KRT27: variants seen among roughly 807,000 people sequenced by gnomAD.
KRT27 encodes the protein keratin 27.
KRT27 carries 30 observed loss-of-function variants against 45.3 expected under a neutral mutation model. That is an observed-to-expected ratio of 0.66 (90% CI 0.50 to 0.90). The LOEUF (loss-of-function observed/expected upper bound fraction) is 0.90, where lower values mean the gene tolerates loss of function less well. Ranked by LOEUF, KRT27 falls within the 40% of genes least tolerant of loss-of-function variation. The pLI, the probability that KRT27 is intolerant of heterozygous loss-of-function variation, is 0.00. For synonymous variants in KRT27, 204 were observed against 223.9 expected, an observed-to-expected ratio of 0.91 and a Z score of 0.79; for missense variants, 610 against 564.3, an observed-to-expected ratio of 1.08 and a Z score of -0.82.
rs1206185687 is a variant in KRT27, at chr17:40,777,241, GCTTTTGTTTAC to G, written c.1240+1_1240+11del. On this transcript the variant is annotated splice_donor_variant and splice_donor_5th_base_variant and intron_variant, in intron 7 of 7. Coordinates refer to ENST00000301656, the MANE Select transcript of KRT27 (RefSeq NM_181537.4). LOFTEE classifies it high-confidence loss of function. ...AAATAAACACTGAATGCCTAACACA[GCTTTTGTTTAC>G]CTTTTGTTTGATTTCCTGGGCCTCC... The G allele has an allele frequency of 9.3e-6, 15 of 1,613,406 alleles. No individual in the cohort carries two copies. The highest frequency in any genetic ancestry group is 1.3e-5 in the Non-Finnish European group (15 of 1,179,808).
chr17:40,779,668 C>T (rs1430026377), intron 4 of KRT27, 32 bp downstream of exon 4: 1 of 1,613,358 alleles, frequency 6.2e-7, no homozygotes. Context: ...GGGGCTGAGT[C>T]CGCGCCCGGG....
At chr17:40,780,591 T>G in intron 2 of KRT27, 135 bp from the exon 3 acceptor site, 2 of 748,750 alleles carry the variant, frequency 2.7e-6, no homozygotes, top group Admixed American at 6.0e-5. Flanking sequence ...CCGGGCGCGG[T>G]GGCTCACGCC....
chr17:40,779,157 T>C (rs1322546822), intron 5 of KRT27, among the ~76,000 whole-genome samples: 2 of 152,202 alleles, frequency 1.3e-5, no homozygotes, highest in South Asian at 2.1e-4. Flanking sequence ...CAGGCTCTAG[T>C]AAGCACTTAT....
At position 40,777,551 on chromosome 17, in the gene KRT27, A is replaced by G; in HGVS notation, c.1154T>C (p.Ile385Thr). The change falls in exon 6 of 8, where the codon ATT becomes ACT. Residue 385 changes from isoleucine to threonine, a missense_variant. Transcript: ENST00000301656. Reference sequence around the variant, plus strand: ...ATCTATCAGGAGGCAGTAGGTCTCAATTTCTTTTTCCAGGTGGACCTTGAT... The same window carrying G: ...ATCTATCAGGAGGCAGTAGGTCTCAGTTTCTTTTTCCAGGTGGACCTTGAT... Reference protein sequence around the residue: ...LDIKVHLEKEIETYCLLIDGE... With the variant: ...LDIKVHLEKETETYCLLIDGE... 1.2e-6 allele frequency: 2 copies of G among 1,613,934 alleles called. No individual in the cohort carries two copies. The highest frequency in any genetic ancestry group is 1.7e-6 in the Non-Finnish European group (2 of 1,179,844).
At chr17:40,780,261 G>C (rs2038299095) in intron 3 of KRT27, 39 bp downstream of exon 3, 4 of 1,553,946 alleles carry the variant, frequency 2.6e-6, no homozygotes, top group Non-Finnish European at 3.5e-6. Flanking sequence ...AAATTTGGTA[G>C]GGAGGCGATT....
chr17:40,781,493 G>T, intron 1 of KRT27, among the ~76,000 whole-genome samples: 1 of 152,126 alleles, frequency 6.6e-6, no homozygotes, highest in East Asian at 1.9e-4. Flanking sequence ...GCAGTGGCAC[G>T]ATCTTGGCTC....
rs1567682822 is a variant in KRT27, at chr17:40,782,443, G to A, written c.51C>T (p.Gly17=). 2 of 1,606,638 alleles carry A rather than the reference G, an allele frequency of 1.2e-6. No individual in the cohort carries two copies. Among genetic ancestry groups the A allele is most frequent in the Non-Finnish European group, 1.7e-6 (2 of 1,176,512 alleles). The change falls in exon 1 of 8, where the codon GGC becomes GGT. Residue 17 remains glycine, a synonymous_variant. Coordinates refer to ENST00000301656, the MANE Select transcript of KRT27 (RefSeq NM_181537.4). ...CACTAGAGAGCCTCACAGAGCCAGT[G>A]CCCCCGCAAGAGCCAAGTCTCCTGG... The part of the protein sequence containing the change: ...STSRRLGSCG[G]TGSVRLSSGG...
At chr17:40,778,701 T>C (rs1270943792) in intron 5 of KRT27, among the ~76,000 whole-genome samples, 2 of 152,248 alleles carry the variant, frequency 1.3e-5, no homozygotes, top group Admixed American at 6.5e-5. Context: ...TCAGCCTTCA[T>C]GCCTCGACTT....
chr17:40,777,809 TAAGAG>T, intron 5 of KRT27, 77 bp from the exon 6 acceptor site: 13 of 1,377,982 alleles, frequency 9.4e-6, no homozygotes, highest in South Asian at 1.2e-5. Context: ...AAGAGATAAT[TAAGAG>T]AATTATCCTT....
At chr17:40,781,916 A>G in intron 1 of KRT27, 134 bp downstream of exon 1, 1 of 655,258 alleles carries the variant, frequency 1.5e-6, no homozygotes, top group Non-Finnish European at 2.5e-6. Context: ...ATTATTTTTA[A>G]TATTGAAAAT....
Position 40,780,170 on chromosome 17 carries a change from C to G in KRT27, c.684+130G>C, listed in dbSNP as rs998933091. On this transcript the variant is annotated intron_variant, in intron 3 of 7. Transcript: ENST00000301656. ...AATGAATAGAAGCGTCTCAAACAAT[C>G]TAAGCCTTATGGAGAAACTGACAGG... The G allele has an allele frequency of 3.9e-6, 4 of 1,014,792 alleles. No homozygotes were observed. In the African/African-American group the frequency reaches 6.5e-5, roughly 16 times the overall value. The allele number at this position is 1,014,792 out of a possible 1,614,324, so 62.9% of individuals were successfully genotyped here. A position where few individuals can be genotyped will look rare whatever the true frequency, so the allele number is the denominator to read the frequency against.
Position 40,782,173 on chromosome 17 carries a change from C to T in KRT27, c.321G>A (p.Glu107=), listed in dbSNP as rs778812184. The part of the protein sequence containing the change: ...SYLENVRALE[E]ANADLEQKIK... ...TCTTCTGCTCCAAGTCAGCGTTGGC[C>T]TCCTCTAGGGCTCGAACATTCTCCA... is the stretch of plus-strand genomic sequence containing the variant. The change falls in exon 1 of 8, where the codon GAG becomes GAA. Residue 107 remains glutamate (E), a synonymous_variant. Transcript: ENST00000301656. The T allele has an allele frequency of 6.2e-6, 10 of 1,614,096 alleles. No homozygotes were observed. In the Admixed American group the frequency reaches 1.2e-4, roughly 19 times the overall value.
chr17:40,779,478 TCTG>T, intron 5 of KRT27, 21 bp downstream of exon 5: 1 of 1,577,624 alleles, frequency 6.3e-7, no homozygotes. Context: ...CTAAAGCAAA[TCTG>T]TTTTGTAACT....
At chr17:40,779,138 T>C (rs2038288281) in intron 5 of KRT27, among the ~76,000 whole-genome samples, 1 of 152,134 alleles carries the variant, frequency 6.6e-6, no homozygotes, top group African/African-American at 2.4e-5. Flanking sequence ...TATCCCCCCA[T>C]CCCCTTCCCA....
Position 40,782,370 on chromosome 17 carries a change from C to T in KRT27, c.124G>A (p.Gly42Arg), listed in dbSNP as rs1325381799. Residue 42 changes from glycine (G) to arginine (R), a missense_variant, in exon 1 of 8, where the codon GGA becomes AGA. Coordinates refer to ENST00000301656, the MANE Select transcript of KRT27 (RefSeq NM_181537.4). ...CCAAAAGCACAAGAGAAGCCACTTC[C>T]AATGCCTGGCACACCGCATGTGTTT... is the stretch of plus-strand genomic sequence containing the variant. ...AGNTCGVPGI[G>R]SGFSCAFGGS... The T allele has an allele frequency of 1.2e-6, 2 of 1,614,204 alleles. No homozygotes were observed. The highest frequency in any genetic ancestry group is 1.7e-6 in the Non-Finnish European group (2 of 1,180,028).
In KRT27 at chr17:40,782,297, C is replaced by A; in HGVS notation, c.197G>T (p.Ser66Ile). ...GGYGGGLGGG[S>I]ASCAAFTGNE... ...CCCTGTGAAGGCAGCACAGGAAGCA[C>A]TTCCCCCGCCCAGACCTCCGCCATA... The change falls in exon 1 of 8, where the codon AGT becomes ATT. Residue 66 changes from serine (S) to isoleucine (I), a missense_variant. By Grantham distance (142) the Ser-to-Ile change is moderately radical (BLOSUM62 -2). Coordinates refer to ENST00000301656, the MANE Select transcript of KRT27 (RefSeq NM_181537.4). 1 of 1,614,174 alleles carries A rather than the reference C, an allele frequency of 6.2e-7. No homozygotes were observed. The highest frequency in any genetic ancestry group is 1.1e-5 in the South Asian group (1 of 91,084).
At position 40,777,574 on chromosome 17, in the gene KRT27, G is replaced by C; in HGVS notation, c.1131C>G (p.Ile377Met). ...CAATTTCTTTTTCCAGGTGGACCTT[G>C]ATGTCAAGGAGCTGCTCATACTCGA... Reference protein sequence around the residue: ...QKLEYEQLLDIKVHLEKEIET... With the variant: ...QKLEYEQLLDMKVHLEKEIET... Residue 377 changes from isoleucine (I) to methionine (M), a missense_variant, in exon 6 of 8, where the codon ATC (isoleucine) becomes ATG (methionine). Physicochemically the swap from Ile to Met is conservative, Grantham distance 10. Coordinates refer to ENST00000301656, the MANE Select transcript of KRT27 (RefSeq NM_181537.4). 1.2e-6 allele frequency: 2 copies of C among 1,613,972 alleles called. No individual in the cohort carries two copies. Among genetic ancestry groups the C allele is most frequent in the Non-Finnish European group, 1.7e-6 (2 of 1,179,896 alleles).
At chr17:40,779,953 A>G (rs2038296871) in intron 3 of KRT27, 92 bp from the exon 4 acceptor site, 5 of 1,389,118 alleles carry the variant, frequency 3.6e-6, no homozygotes, top group Non-Finnish European at 4.8e-6. Context: ...CTAGGCTGAA[A>G]TGCAGTGGTG....
Position 40,782,264 on chromosome 17 carries a change from T to C in KRT27, c.230A>G (p.His77Arg). The C allele has an allele frequency of 6.2e-7, 1 of 1,614,196 alleles. No individual in the cohort carries two copies. The highest frequency in any genetic ancestry group is 1.3e-5 in the African/African-American group (1 of 75,058). The part of the protein sequence containing the change: ...ASCAAFTGNE[H>R]GLLSGNEKVT... ...CTTCTCATTGCCAGAGAGGAGGCCG[T>C]GCTCATTCCCTGTGAAGGCAGCACA... The change falls in exon 1 of 8, where the codon CAC becomes CGC. Residue 77 changes from histidine (H) to arginine (R), a missense_variant. By Grantham distance (29) the His-to-Arg change is conservative (BLOSUM62 0). Coordinates refer to ENST00000301656, the MANE Select transcript of KRT27 (RefSeq NM_181537.4).
Sources: allele counts gnomAD v4.1 joint callset (sites outside exome capture counted in the v4.1 genomes callset), GRCh38; gene constraint gnomAD v4.1.1; transcripts MANE v1.5; gene names NCBI Gene and HGNC (gene_info 2026-07-23, HGNC 2026-07-21).